Variants in APPBP2 observed in about 807,000 individuals in gnomAD.
The protein encoded by APPBP2 is amyloid protein-binding protein 2.
Under a neutral mutation model 76.0 loss-of-function variants are expected in APPBP2, and 15 were observed. That is an observed-to-expected ratio of 0.20 (90% CI 0.13 to 0.30). The LOEUF (loss-of-function observed/expected upper bound fraction) is 0.30. Ranked by LOEUF, APPBP2 falls within the 10% of genes least tolerant of loss-of-function variation. The pLI is 1.00. For synonymous variants in APPBP2, 222 were observed against 242.2 expected (o/e 0.92, Z 0.77); for missense variants, 401 against 687.2 (o/e 0.58, Z 4.66).
intron 4 of APPBP2, among the ~76,000 whole-genome samples, chr17:60,474,177 A>T (rs199695393): frequency 2.6e-4 from 38 of 144,224 alleles, no homozygotes; most frequent in South Asian, 8.8e-4. Context: ...TTTTTTTTTT[A>T]TTTTTTTTTT....
At chr17:60,477,216 C>T (rs2090597025) in intron 4 of APPBP2, among the ~76,000 whole-genome samples, 2 of 152,130 alleles carry the variant, frequency 1.3e-5, no homozygotes, top group African/African-American at 2.4e-5. Context: ...ACTGACTTGT[C>T]TTGTGAGAAA....
chr17:60,462,491 TC>T (rs2090482525), intron 6 of APPBP2: 1 of 160,088 alleles, frequency 6.2e-6, no homozygotes, highest in Non-Finnish European at 1.4e-5. Context: ...TTTCAAGTTT[TC>T]CTATTAATTC....
chr17:60,513,870 T>TA (rs1252758745), intron 1 of APPBP2, among the ~76,000 whole-genome samples: 1 of 145,700 alleles, frequency 6.9e-6, no homozygotes, highest in East Asian at 2.0e-4. Flanking sequence ...AAAAAGAAAA[T>TA]AGAGCATATA....
In APPBP2 at chr17:60,461,790, A is replaced by C; in HGVS notation, c.936+20T>G. 6.5e-7 allele frequency: 1 copy of C among 1,548,102 alleles called. No individual in the cohort carries two copies. Among genetic ancestry groups the C allele is most frequent in the Non-Finnish European group, 8.8e-7 (1 of 1,132,450 alleles). ...AAGTCAATACAGGTTGAAAGAAAAA[A>C]AGGGTAACCATTAACATACCTGATA... On this transcript the variant is annotated intron_variant, in intron 8 of 12. Transcript: ENST00000083182.
intron 4 of APPBP2, among the ~76,000 whole-genome samples, chr17:60,471,113 T>C (rs1330440645): frequency 6.6e-6 from 1 of 152,052 alleles, no homozygotes; most frequent in East Asian, 1.9e-4. Context: ...TTAAATTCTG[T>C]TGTTTGTAGT....
At chr17:60,458,204 G>C (rs549104777) in intron 9 of APPBP2, among the ~76,000 whole-genome samples, 17 of 152,214 alleles carry the variant, frequency 1.1e-4, no homozygotes, top group African/African-American at 2.9e-4. Context: ...GAGGCCAAGG[G>C]GGGCAGATCA....
In APPBP2 at chr17:60,448,686, T is replaced by C. The variant is rs545811811; in HGVS notation, c.1505-852A>G. On this transcript the variant is annotated intron_variant, in intron 12 of 12. Coordinates refer to ENST00000083182, the MANE Select transcript of APPBP2 (RefSeq NM_006380.5). ...AGTGACTGATGGTATATTGTTAAGATTGAAAAAAGTAAAATACCAAAGAGT... is the reference window on the plus strand; with the variant it reads ...AGTGACTGATGGTATATTGTTAAGACTGAAAAAAGTAAAATACCAAAGAGT... Among the ~76,000 whole-genome samples, 35 of 152,282 alleles carry C rather than the reference T, an allele frequency of 2.3e-4. No homozygotes were observed. In the South Asian group the frequency reaches 4.6e-3, roughly 20 times the overall value.
intron 3 of APPBP2, among the ~76,000 whole-genome samples, chr17:60,490,036 G>GAAAAC (rs113547899): frequency 0.013 from 1,969 of 151,490 alleles, 25 homozygotes; most frequent in Non-Finnish European, 0.019. Context: ...CTCCATCTCA[G>GAAAAC]AAAACAAAAC....
chr17:60,473,994 G>C (rs2090571175), intron 4 of APPBP2, among the ~76,000 whole-genome samples: 1 of 152,060 alleles, frequency 6.6e-6, no homozygotes, highest in African/African-American at 2.4e-5. Context: ...AAAGCATTAG[G>C]ACTGCTGGGC....
intron 1 of APPBP2, among the ~76,000 whole-genome samples, chr17:60,518,962 T>C (rs901552366): frequency 6.6e-5 from 10 of 152,126 alleles, no homozygotes; most frequent in African/African-American, 2.4e-4. Flanking sequence ...TTACATTACC[T>C]TTTTCCCCCC....
intron 2 of APPBP2, among the ~76,000 whole-genome samples, chr17:60,496,698 C>A (rs1325611996): frequency 6.6e-6 from 1 of 151,994 alleles, no homozygotes. Context: ...TACCCTTGAA[C>A]ACTGAAATCA....
intron 1 of APPBP2, among the ~76,000 whole-genome samples, chr17:60,514,731 T>C (rs889583878): frequency 2.6e-5 from 4 of 152,194 alleles, no homozygotes; most frequent in Non-Finnish European, 2.9e-5. Context: ...AATTGTATTG[T>C]TGGTTAAAGG....
Position 60,525,878 on chromosome 17 carries a change from G to A in APPBP2, c.54C>T (p.Ile18=), listed in dbSNP as rs138111306. The A allele has an allele frequency of 1.3e-5, 21 of 1,614,040 alleles. No homozygotes were observed. In the African/African-American group the frequency reaches 1.6e-4, roughly 12 times the overall value. ...WIPETLYNTA[I]SAVVDNYIRS... is the part of the protein sequence containing the mutation. ...GGATGTAGTTGTCCACGACAGCGGA[G>A]ATGGCGGTGTTATAGAGAGTCTCTG... The change falls in exon 1 of 13, where the codon ATC becomes ATT. Residue 18 remains isoleucine, a synonymous_variant. Transcript: ENST00000083182.
At chr17:60,480,413 C>T (rs540641081) in intron 3 of APPBP2, among the ~76,000 whole-genome samples, 7 of 152,046 alleles carry the variant, frequency 4.6e-5, no homozygotes, top group Admixed American at 1.3e-4. Flanking sequence ...AATTAGAGTA[C>T]GTCATAAAAG....
intron 4 of APPBP2, among the ~76,000 whole-genome samples, chr17:60,478,814 A>T (rs1045272523): frequency 7.9e-5 from 12 of 152,158 alleles, no homozygotes; most frequent in African/African-American, 2.9e-4. Flanking sequence ...GGAGGCTGAG[A>T]CAGGAGAATC....
intron 9 of APPBP2, chr17:60,459,431 C>G (rs2090458479): frequency 6.6e-6 from 1 of 151,398 alleles, no homozygotes. Context: ...GGCCAACTTT[C>G]CCTGTCATCT....
chr17:60,495,758 T>G (rs1161138321), intron 2 of APPBP2, among the ~76,000 whole-genome samples: 1 of 152,110 alleles, frequency 6.6e-6, no homozygotes, highest in Non-Finnish European at 1.5e-5. Flanking sequence ...AAGTTAATCA[T>G]AGGGTTACCA....
At chr17:60,500,812 G>A (rs8076306) in intron 1 of APPBP2, among the ~76,000 whole-genome samples, 12,480 of 152,012 alleles carry the variant, frequency 0.082, 1,694 homozygotes, top group African/African-American at 0.28. Context: ...TGGAGAGTCG[G>A]TGTAAAATTA....
chr17:60,483,462 C>T lies in APPBP2; in HGVS notation c.380-4191G>A, dbSNP rs532167675. On this transcript the variant is annotated intron_variant, in intron 3 of 12. Transcript: ENST00000083182. ...AGGCTGGAGTGCAGTAGCGCAATCT[C>T]GGCTCACTGCAAGCTCTGCCTCCTG... Among the ~76,000 whole-genome samples the T allele has an allele frequency of 3.7e-4, 57 of 152,170 alleles. 1 individual carries two copies. The South Asian group carries it at 9.8e-3, about 26-fold the overall frequency.
Sources: allele counts gnomAD v4.1 joint callset (sites outside exome capture counted in the v4.1 genomes callset), GRCh38; gene constraint gnomAD v4.1.1; transcripts MANE v1.5; gene names NCBI Gene and HGNC (gene_info 2026-07-23, HGNC 2026-07-21).